The following COL6A2 variants were observed in gnomAD, a reference collection of about 807,000 sequenced individuals.
The protein encoded by COL6A2 is collagen alpha-2(VI) chain.
Under a neutral mutation model 124.9 loss-of-function variants are expected in COL6A2, and 90 were observed. The observed-to-expected ratio is 0.72, with a 90% CI of 0.61 to 0.86. The LOEUF (loss-of-function observed/expected upper bound fraction) is 0.86. COL6A2 is among the 40% of genes least tolerant of loss of function. The probability of loss-of-function intolerance (pLI) is 0.00; values close to 1 mark genes in which losing one functional copy is unlikely to be tolerated. For synonymous variants in COL6A2, 793 were observed against 618.2 expected (o/e 1.28, Z -4.19); for missense variants, 1,607 against 1,502.5 (o/e 1.07, Z -1.15).
In COL6A2 at chr21:46,132,369, G is replaced by A. The variant is rs1274304291; in HGVS notation, c.2877G>A (p.Glu959=). The A allele has an allele frequency of 6.2e-7, 1 of 1,609,252 alleles. No homozygotes were observed. Among genetic ancestry groups the A allele is most frequent in the Non-Finnish European group, 8.5e-7 (1 of 1,179,560 alleles). Residue 959 remains glutamate, a synonymous_variant, in exon 28 of 28, where the codon GAG becomes GAA. Transcript: ENST00000300527. ...TCACGGGCAACGACAGTCTGCACGA[G>A]TCGGCGCACTCCATGCGCAAGCAGA... ...DGVTGNDSLH[E]SAHSMRKQNV...
intron 1 of COL6A2, among the ~76,000 whole-genome samples, chr21:46,107,355 T>C (rs4819202): frequency 0.82 from 124,749 of 152,046 alleles, 51,307 homozygotes; most frequent in East Asian, 0.89. Context: ...CCCTATATGC[T>C]GTGACTTACT....
intron 1 of COL6A2, among the ~76,000 whole-genome samples, chr21:46,109,989 C>T (rs959294875): frequency 6.6e-6 from 1 of 152,234 alleles, no homozygotes; most frequent in African/African-American, 2.4e-5. Flanking sequence ...ACTCTCACCT[C>T]GCCAAACTGC....
intron 1 of COL6A2, among the ~76,000 whole-genome samples, chr21:46,109,108 C>T (rs1728561268): frequency 6.6e-6 from 1 of 152,110 alleles, no homozygotes; most frequent in Non-Finnish European, 1.5e-5. Context: ...CTCTGCAGCT[C>T]TTAGCAGAGA....
intron 1 of COL6A2, among the ~76,000 whole-genome samples, chr21:46,110,705 G>A (rs746892796): frequency 3.7e-5 from 2 of 53,800 alleles, no homozygotes; most frequent in Non-Finnish European, 9.6e-5. Flanking sequence ...GGAACTGCAC[G>A]CTCTGAACCA....
intron 1 of COL6A2, among the ~76,000 whole-genome samples, chr21:46,101,469 A>G: frequency 6.6e-6 from 1 of 152,188 alleles, no homozygotes; most frequent in East Asian, 1.9e-4. Flanking sequence ...CCAAGAAATC[A>G]TTGCTCAGTC....
At chr21:46,128,855 C>T in intron 27 of COL6A2, 2 of 1,518,262 alleles carry the variant, frequency 1.3e-6, no homozygotes, top group Non-Finnish European at 1.8e-6. Flanking sequence ...TGGCGACGGG[C>T]CTGCGGCACT....
Position 46,116,155 on chromosome 21 carries a change from C to T in COL6A2, c.900+102C>T, listed in dbSNP as rs1156812817. 8 of 1,289,528 alleles carry T rather than the reference C, an allele frequency of 6.2e-6. No homozygotes were observed. Among genetic ancestry groups the T allele is most frequent in the Non-Finnish European group, 8.8e-6 (8 of 909,920 alleles). 79.9% of individuals were successfully genotyped at this position (1,289,528 alleles called of 1,614,324 possible). ...TCGGCCTCAGCCTCTACGACCCTCC[C>T]CCCAGTTACCAAGGAACAGAAGCAC... On this transcript the variant is annotated intron_variant, in intron 7 of 27. Coordinates refer to ENST00000300527, the MANE Select transcript of COL6A2 (RefSeq NM_001849.4). The surrounding 1 kb of genome is among the most constrained non-coding windows in gnomAD (Gnocchi z 4.6).
intron 27 of COL6A2, chr21:46,129,799 C>CA: frequency 8.1e-7 from 1 of 1,227,336 alleles, no homozygotes; most frequent in Middle Eastern, 3.3e-4. Flanking sequence ...ACCCTTAACT[C>CA]ACTCCCGTCT....
chr21:46,129,606 G>A, intron 27 of COL6A2: 8 of 1,434,540 alleles, frequency 5.6e-6, no homozygotes, highest in East Asian at 5.0e-5. Context: ...GGGGTCAGCG[G>A]GGCTACAGTC....
chr21:46,128,849 G>T, intron 27 of COL6A2: 1 of 1,486,510 alleles, frequency 6.7e-7, no homozygotes, highest in South Asian at 1.1e-5. Context: ...TCTTCCTGGC[G>T]ACGGGCCTGC....
intron 27 of COL6A2, among the ~76,000 whole-genome samples, chr21:46,130,919 C>T (rs983526702): frequency 1.3e-5 from 2 of 152,216 alleles, no homozygotes; most frequent in South Asian, 2.1e-4. Context: ...ATGTCTCAAG[C>T]GTTCTGTGAA....
chr21:46,132,576 C>A lies in COL6A2; in HGVS notation c.*24C>A. On this transcript the variant is annotated 3_prime_UTR_variant, in exon 28 of 28. Coordinates refer to ENST00000300527, the MANE Select transcript of COL6A2 (RefSeq NM_001849.4). ...AGCGCCGCCGCCCGGGCCCCGCAGT[C>A]GAGGGTCGTGAGCCCACCCCGTCCA... is the stretch of plus-strand genomic sequence containing the variant. 2 of 1,568,250 alleles carry A rather than the reference C, an allele frequency of 1.3e-6. No homozygotes were observed. The highest frequency in any genetic ancestry group is 2.3e-5 in the East Asian group (1 of 42,940).
chr21:46,132,812 T>A lies in COL6A2; in HGVS notation c.*260T>A. ...CCTGACCTACCTGGCCCCTGAGCTC[T>A]GGAGCAAGCCCTGACCCAATAAAGG... On this transcript the variant is annotated 3_prime_UTR_variant, in exon 28 of 28. Transcript: ENST00000300527. 1 of 567,940 alleles carries A rather than the reference T, an allele frequency of 1.8e-6. No individual in the cohort carries two copies. 35.2% of individuals were successfully genotyped at this position (567,940 alleles called of 1,614,324 possible).
At position 46,132,229 on chromosome 21, in the gene COL6A2, T is replaced by A. The variant is rs2078770367; in HGVS notation, c.2737T>A (p.Ser913Thr). 3 of 1,598,322 alleles carry A rather than the reference T, an allele frequency of 1.9e-6. No homozygotes were observed. Among genetic ancestry groups the A allele is most frequent in the Non-Finnish European group, 2.6e-6 (3 of 1,173,914 alleles). ...GCTGGAGACCACACAATACCTGAAC[T>A]CCTTCTCGCACGTGGGCGCAGGCGT... The part of the protein sequence containing the change: ...EALETTQYLN[S>T]FSHVGAGVVH... The change falls in exon 28 of 28, where the codon TCC (serine) becomes ACC (threonine). Residue 913 changes from serine (S) to threonine (T), a missense_variant. Physicochemically the swap from Ser to Thr is moderately conservative, Grantham distance 58. Coordinates refer to ENST00000300527, the MANE Select transcript of COL6A2 (RefSeq NM_001849.4).
intron 2 of COL6A2, 136 bp downstream of exon 2, chr21:46,111,727 C>T (rs3966318): frequency 3.9e-4 from 4 of 10,376 alleles, no homozygotes; most frequent in Admixed American, 9.8e-4. Context: ...TGCCAGGGGT[C>T]GGGGGCCGGG....
chr21:46,112,697 C>T, intron 3 of COL6A2, 107 bp from the exon 4 acceptor site: 1 of 1,597,096 alleles, frequency 6.3e-7, no homozygotes, highest in South Asian at 1.1e-5. Flanking sequence ...AAGCTCCGGG[C>T]AGGGCCTGGG....
chr21:46,128,724 C>T (rs1456106115), intron 27 of COL6A2, among the ~76,000 whole-genome samples: 3 of 152,216 alleles, frequency 2.0e-5, no homozygotes. Flanking sequence ...TTGCAGAGGC[C>T]AGGTCTGCTC....
intron 1 of COL6A2, among the ~76,000 whole-genome samples, chr21:46,107,693 C>T (rs2078349170): frequency 6.6e-6 from 1 of 152,318 alleles, no homozygotes; most frequent in African/African-American, 2.4e-5. Flanking sequence ...TGAGCATTTC[C>T]TTTCTATGAT....
rs191945711 is a variant in COL6A2 at position 46,129,825 on chromosome 21, G to T, written c.2462-2129G>T. 453 of 1,115,288 alleles carry T rather than the reference G, an allele frequency of 4.1e-4. 1 individual carries two copies. The highest frequency in any genetic ancestry group is 4.1e-4 in the Non-Finnish European group (373 of 911,632). 69.1% of individuals were successfully genotyped at this position (1,115,288 alleles called of 1,614,324 possible). A position where few individuals can be genotyped will look rare whatever the true frequency, so the allele number is the denominator to read the frequency against. On this transcript the variant is annotated intron_variant, in intron 27 of 27. Coordinates refer to ENST00000300527, the MANE Select transcript of COL6A2 (RefSeq NM_001849.4). ...ACTCCCGTCTGCAGAGTCCTTCTTT[G>T]CTGCATCAGGTCACCCTCACAGGCT...
Sources: allele counts gnomAD v4.1 joint callset (sites outside exome capture counted in the v4.1 genomes callset), GRCh38; gene constraint gnomAD v4.1.1; non-coding constraint Gnocchi (gnomAD v3.1); transcripts MANE v1.5; gene names NCBI Gene and HGNC (gene_info 2026-07-23, HGNC 2026-07-21).